The following FHL2 variants were observed in gnomAD, a reference collection of about 807,000 sequenced individuals.
FHL2 encodes the protein four and a half LIM domains 2.
In FHL2, 20 loss-of-function variants were observed where a neutral mutation model predicts 32.7. The observed-to-expected ratio is 0.61, with a 90% CI of 0.43 to 0.89. The LOEUF (loss-of-function observed/expected upper bound fraction) is 0.89. Among genes scored for constraint, FHL2 ranks in the 40% least tolerant of loss-of-function variants. The pLI, the probability that FHL2 is intolerant of heterozygous loss-of-function variation, is 0.00. For missense variants in FHL2, 311 were observed against 358.6 expected (o/e 0.87, Z 1.07); for synonymous variants, 123 against 128.1 (o/e 0.96, Z 0.27).
chr2:105,386,651 T>C lies in FHL2; in HGVS notation c.-24-111A>G, dbSNP rs1413234331. 22 of 816,744 alleles carry C rather than the reference T, an allele frequency of 2.7e-5. No individual in the cohort carries two copies. The Admixed American group carries it at 5.3e-4, about 20-fold the overall frequency. 50.6% of individuals were successfully genotyped at this position (816,744 alleles called of 1,614,324 possible). On this transcript the variant is annotated intron_variant, in intron 2 of 6. Transcript: ENST00000530340. Reference sequence around the variant, plus strand: ...TCATCTTTAGCCGAAAGGTGGCTAATTCCTCTGGATGAATAATTAAAACTC... The same window carrying C: ...TCATCTTTAGCCGAAAGGTGGCTAACTCCTCTGGATGAATAATTAAAACTC...
intron 1 of FHL2, among the ~76,000 whole-genome samples, chr2:105,427,827 C>T (rs1002086567): frequency 6.6e-6 from 1 of 152,102 alleles, no homozygotes; most frequent in Non-Finnish European, 1.5e-5. Context: ...GACAGGGCCC[C>T]GAGAACCAGC....
intron 2 of FHL2, among the ~76,000 whole-genome samples, chr2:105,388,382 T>C (rs1682475839): frequency 6.6e-6 from 1 of 152,136 alleles, no homozygotes; most frequent in East Asian, 1.9e-4. Context: ...AAAATCATGT[T>C]AGAATGATCC....
At chr2:105,384,755 G>A (rs1185458668) in intron 3 of FHL2, among the ~76,000 whole-genome samples, 2 of 152,192 alleles carry the variant, frequency 1.3e-5, no homozygotes, top group African/African-American at 4.8e-5. Flanking sequence ...TGATTCACCC[G>A]CCTTGGCCTC....
intron 3 of FHL2, chr2:105,377,823 C>T (rs1681587464): frequency 1.8e-5 from 6 of 342,560 alleles, no homozygotes; most frequent in South Asian, 2.3e-5. Flanking sequence ...AAGGAGTAGG[C>T]GCCAGGGAGA....
chr2:105,377,765 T>C, intron 3 of FHL2: 1 of 272,486 alleles, frequency 3.7e-6, no homozygotes, highest in Non-Finnish European at 7.3e-6. Flanking sequence ...AGCTGCAGAA[T>C]GTTTTCCATG....
In FHL2 at chr2:105,398,934, C is replaced by T; in HGVS notation, c.-168G>A. 1 of 1,538,134 alleles carries T rather than the reference C, an allele frequency of 6.5e-7. No individual in the cohort carries two copies. Among genetic ancestry groups the T allele is most frequent in the Non-Finnish European group, 8.7e-7 (1 of 1,145,552 alleles). On this transcript the variant is annotated 5_prime_UTR_variant, in exon 1 of 7. Coordinates refer to ENST00000530340, the MANE Select transcript of FHL2 (RefSeq NM_001318895.3). ...GAGCCCTGGTGGCTAAGCCCCTCGG[C>T]CTCCCTCCGGGGCGCAGGGGGTTGG... is the stretch of plus-strand genomic sequence containing the variant.
chr2:105,420,962 C>G (rs999048912), intron 1 of FHL2, among the ~76,000 whole-genome samples: 1 of 152,118 alleles, frequency 6.6e-6, no homozygotes, highest in Non-Finnish European at 1.5e-5. Context: ...ACTGGGGACC[C>G]CTGAACTAGT....
intron 4 of FHL2, 88 bp downstream of exon 4, chr2:105,373,471 C>G: frequency 6.9e-7 from 1 of 1,441,674 alleles, no homozygotes; most frequent in Non-Finnish European, 9.7e-7. Context: ...GTGTCTGGAA[C>G]CAAGTCAATG....
chr2:105,414,254 A>G (rs1300509494), intron 1 of FHL2, among the ~76,000 whole-genome samples: 1 of 152,190 alleles, frequency 6.6e-6, no homozygotes, highest in Non-Finnish European at 1.5e-5. Flanking sequence ...CCTATGTTCA[A>G]CCATCCGGAC....
chr2:105,420,426 C>T (rs142205204), intron 1 of FHL2, among the ~76,000 whole-genome samples: 1 of 152,156 alleles, frequency 6.6e-6, no homozygotes, highest in Non-Finnish European at 1.5e-5. Context: ...TAACTAATTA[C>T]TCGGTAACAA....
At position 105,373,624 on chromosome 2, in the gene FHL2, C is replaced by T. The variant is rs1366307327; in HGVS notation, c.266G>A (p.Cys89Tyr). The T allele has an allele frequency of 1.2e-6, 2 of 1,614,110 alleles. No homozygotes were observed. The highest frequency in any genetic ancestry group is 1.3e-5 in the African/African-American group (1 of 74,948). ...GTACTCGTTGGAATAGCAGTCTGTACAGAGCAGCTGGTCCTCCTTGGCAGC... is the reference window on the plus strand; with the variant it reads ...GTACTCGTTGGAATAGCAGTCTGTATAGAGCAGCTGGTCCTCCTTGGCAGC... ...PFAAKEDQLLCTDCYSNEYSS... is the reference protein window; with the variant it reads ...PFAAKEDQLLYTDCYSNEYSS... Residue 89 changes from cysteine (C) to tyrosine (Y), a missense_variant, in exon 4 of 7, where the codon TGT becomes TAT. Cys to Tyr is a radical substitution (Grantham distance 194). Transcript: ENST00000530340.
chr2:105,408,773 A>G (rs1283859283), intron 1 of FHL2, among the ~76,000 whole-genome samples: 1 of 152,210 alleles, frequency 6.6e-6, no homozygotes, highest in East Asian at 1.9e-4. Context: ...TTATTAGCAT[A>G]TTTTGACTGC....
chr2:105,367,816 C>T (rs1680745106), intron 4 of FHL2, 77 bp from the exon 5 acceptor site: 4 of 1,448,472 alleles, frequency 2.8e-6, no homozygotes, highest in Non-Finnish European at 3.8e-6. Flanking sequence ...GCCTTCAGAG[C>T]TTGCTGCCCT....
upstream of FHL2, among the ~76,000 whole-genome samples, chr2:105,401,811 T>C (rs923494018): frequency 1.3e-5 from 2 of 152,082 alleles, no homozygotes; most frequent in African/African-American, 4.8e-5. Context: ...AACCAACCAT[T>C]TGTGTTCATG....
chr2:105,387,073 CT>C (rs1682377334), intron 2 of FHL2, among the ~76,000 whole-genome samples: 1 of 152,122 alleles, frequency 6.6e-6, no homozygotes, highest in Non-Finnish European at 1.5e-5. Flanking sequence ...TCACATTCCA[CT>C]TCTTGAAAAG....
chr2:105,399,232 C>A, upstream of FHL2: 1 of 1,534,270 alleles, frequency 6.5e-7, no homozygotes, highest in South Asian at 1.2e-5. Flanking sequence ...CCTTTGTTTG[C>A]CAGGGCTCCT....
At chr2:105,368,088 C>A (rs557412204) in intron 4 of FHL2, among the ~76,000 whole-genome samples, 2 of 152,338 alleles carry the variant, frequency 1.3e-5, no homozygotes, top group South Asian at 4.1e-4. Flanking sequence ...CCGATGAATT[C>A]CCATGGAGCA....
upstream of FHL2, among the ~76,000 whole-genome samples, chr2:105,402,672 A>G (rs1683511235): frequency 6.6e-6 from 1 of 152,212 alleles, no homozygotes; most frequent in Non-Finnish European, 1.5e-5. Flanking sequence ...GGGGAATGCA[A>G]TTTCTGGGTT....
chr2:105,436,465 T>G (rs1272832190), intron 1 of FHL2, among the ~76,000 whole-genome samples: 1 of 152,186 alleles, frequency 6.6e-6, no homozygotes, highest in Non-Finnish European at 1.5e-5. Flanking sequence ...TATATAGAGA[T>G]AACCAATTTT....
Sources: gnomAD v4.1 joint callset for allele counts (sites outside exome capture counted in the v4.1 genomes callset) on GRCh38, gnomAD v4.1.1 for gene constraint, MANE v1.5 for transcripts, NCBI Gene and HGNC (gene_info 2026-07-23, HGNC 2026-07-21) for gene names.